Variants in EHBP1 observed in about 807,000 individuals in gnomAD.
EHBP1 encodes EH domain binding protein 1.
In EHBP1, 55 loss-of-function variants were observed where a neutral mutation model predicts 144.0. The ratio of observed to expected loss-of-function variants is 0.38; its 90% confidence interval spans 0.31 to 0.48. EHBP1 has a LOEUF of 0.48. Ranked by LOEUF, EHBP1 falls within the 20% of genes least tolerant of loss-of-function variation. The pLI is 0.98. For missense variants in EHBP1, 1,200 were observed against 1,364.2 expected, an observed-to-expected ratio of 0.88 and a Z score of 1.90; for synonymous variants, 469 against 472.7, an observed-to-expected ratio of 0.99 and a Z score of 0.10.
intron 19 of EHBP1, among the ~76,000 whole-genome samples, chr2:63,008,028 T>G (rs913597627): frequency 8.6e-5 from 13 of 151,798 alleles, no homozygotes; most frequent in African/African-American, 2.6e-4. Context: ...CTTAAACAAT[T>G]GGATGAAAAG....
intron 2 of EHBP1, among the ~76,000 whole-genome samples, chr2:62,713,825 T>C (rs2035396939): frequency 6.6e-6 from 1 of 152,248 alleles, no homozygotes; most frequent in Admixed American, 6.5e-5. Context: ...CATGATAGTA[T>C]CTTATAAACT....
chr2:62,768,340 ACT>A (rs1317982593), intron 4 of EHBP1, among the ~76,000 whole-genome samples: 2 of 152,340 alleles, frequency 1.3e-5, no homozygotes, highest in African/African-American at 4.8e-5. Context: ...GGCTGTTACC[ACT>A]GACCTCAGAT....
chr2:62,886,643 C>T (rs116688248), intron 10 of EHBP1, among the ~76,000 whole-genome samples: 2,914 of 152,296 alleles, frequency 0.019, 47 homozygotes, highest in Non-Finnish European at 0.025. Flanking sequence ...AGCTTGGCTT[C>T]AGGAACAACT....
At chr2:62,884,533 T>G (rs2051753997) in intron 10 of EHBP1, among the ~76,000 whole-genome samples, 1 of 152,194 alleles carries the variant, frequency 6.6e-6, no homozygotes, top group Non-Finnish European at 1.5e-5. Context: ...CCATTTCTAC[T>G]GTGCAAATCC....
intron 1 of EHBP1, among the ~76,000 whole-genome samples, chr2:62,682,083 C>CA (rs1346102632): frequency 1.3e-5 from 2 of 152,204 alleles, no homozygotes; most frequent in Non-Finnish European, 2.9e-5. Flanking sequence ...CTTCAATGGA[C>CA]AGAGACCTCA....
intron 2 of EHBP1, among the ~76,000 whole-genome samples, chr2:62,718,507 C>G (rs2035904309): frequency 6.6e-6 from 1 of 152,170 alleles, no homozygotes; most frequent in Admixed American, 6.5e-5. Flanking sequence ...GCTTCCCAAA[C>G]TGACTATCTT....
chr2:62,969,214 C>G (rs189711020), intron 14 of EHBP1, among the ~76,000 whole-genome samples: 7 of 152,046 alleles, frequency 4.6e-5, no homozygotes, highest in Admixed American at 4.6e-4. Flanking sequence ...ATAGTACCTA[C>G]TAGGAATTCA....
chr2:62,757,325 T>C (rs559413385), intron 3 of EHBP1, among the ~76,000 whole-genome samples: 25 of 152,076 alleles, frequency 1.6e-4, no homozygotes, highest in Non-Finnish European at 2.8e-4. Flanking sequence ...GGATTTACCA[T>C]GTTGCGCAGC....
In EHBP1 at chr2:63,045,160, C is replaced by T. The variant is rs141636761; in HGVS notation, c.3372C>T (p.Asp1124=). Residue 1124 remains aspartate, a synonymous_variant, in exon 22 of 23, where the codon GAC becomes GAT. Transcript: ENST00000431489. The surrounding 1 kb of genome is among the most constrained non-coding windows in gnomAD (Gnocchi z 5.7). ...ACAAGCGCGATGCGCTCGTCAGGGA[C>T]CTGGACGCGCAGGAGAAGCAGTGAG... ...LVNKRDALVR[D]LDAQEKQAEE... 1 of 1,592,160 alleles carries T rather than the reference C, an allele frequency of 6.3e-7. No homozygotes were observed.
chr2:62,773,998 T>G (rs1385953651), intron 5 of EHBP1, among the ~76,000 whole-genome samples: 2 of 151,470 alleles, frequency 1.3e-5, no homozygotes, highest in African/African-American at 2.4e-5. Context: ...GCTGTTACAG[T>G]AGGAGCTCTT....
chr2:62,688,616 A>G (rs1023407643), intron 1 of EHBP1, among the ~76,000 whole-genome samples: 4 of 151,622 alleles, frequency 2.6e-5, no homozygotes, highest in African/African-American at 9.7e-5. Context: ...ATCTCCCCCT[A>G]TTCCCCTCTT....
intron 10 of EHBP1, among the ~76,000 whole-genome samples, chr2:62,906,133 T>C (rs916369036): frequency 2.0e-5 from 3 of 151,940 alleles, no homozygotes; most frequent in Non-Finnish European, 4.4e-5. Flanking sequence ...TGTTCAAGGT[T>C]AGATTGAAGT....
intron 3 of EHBP1, among the ~76,000 whole-genome samples, chr2:62,749,723 C>G (rs1008665894): frequency 3.9e-5 from 6 of 152,194 alleles, no homozygotes; most frequent in Non-Finnish European, 7.3e-5. Flanking sequence ...TTGCATTTCT[C>G]TGATGGCCAG....
intron 19 of EHBP1, among the ~76,000 whole-genome samples, chr2:63,000,779 A>T (rs1370742268): frequency 6.6e-6 from 1 of 152,134 alleles, no homozygotes; most frequent in East Asian, 1.9e-4. Flanking sequence ...TAAAATCCCT[A>T]TGCAAATACA....
intron 2 of EHBP1, among the ~76,000 whole-genome samples, chr2:62,723,998 C>T (rs1418431443): frequency 6.6e-6 from 1 of 152,114 alleles, no homozygotes; most frequent in East Asian, 1.9e-4. Flanking sequence ...TCTGCATTTC[C>T]TGAATTTGAA....
At chr2:63,022,986 C>CA (rs1044268343) in intron 19 of EHBP1, among the ~76,000 whole-genome samples, 2 of 152,014 alleles carry the variant, frequency 1.3e-5, no homozygotes, top group African/African-American at 4.8e-5. Context: ...CCAGCCTGGC[C>CA]AATATGTCAG....
chr2:62,901,509 AC>A (rs2053411395), intron 10 of EHBP1, among the ~76,000 whole-genome samples: 1 of 152,146 alleles, frequency 6.6e-6, no homozygotes, highest in East Asian at 1.9e-4. Context: ...ATTTGATAGA[AC>A]TGGATAATTT....
intron 14 of EHBP1, among the ~76,000 whole-genome samples, chr2:62,977,661 C>G (rs1214541534): frequency 6.6e-6 from 1 of 151,990 alleles, no homozygotes; most frequent in African/African-American, 2.4e-5. Context: ...GAAATGGTTA[C>G]AGCACCTAGC....
intron 19 of EHBP1, among the ~76,000 whole-genome samples, chr2:63,009,603 G>T (rs1213234082): frequency 6.6e-6 from 1 of 151,538 alleles, no homozygotes; most frequent in Non-Finnish European, 1.5e-5. Flanking sequence ...TAAGCCTTAT[G>T]TGATTCATTT....
Sources: gnomAD v4.1 joint callset for allele counts (sites outside exome capture counted in the v4.1 genomes callset) on GRCh38, gnomAD v4.1.1 for gene constraint, Gnocchi (gnomAD v3.1) non-coding constraint, MANE v1.5 for transcripts, NCBI Gene and HGNC (gene_info 2026-07-23, HGNC 2026-07-21) for gene names.